The following PLEKHA5 variants were observed in gnomAD, a reference collection of about 807,000 sequenced individuals.
PLEKHA5 encodes pleckstrin homology domain containing A5, also known as pleckstrin homology domain-containing family A member 5.
In PLEKHA5, 55 loss-of-function variants were observed where a neutral mutation model predicts 181.9. That is an observed-to-expected ratio of 0.30 (90% CI 0.24 to 0.38). The LOEUF is 0.38. Ranked by LOEUF, PLEKHA5 falls within the 10% of genes least tolerant of loss-of-function variation. The pLI is 1.00. For missense variants in PLEKHA5, 1,432 were observed against 1,549.5 expected (o/e 0.92, Z 1.27); for synonymous variants, 535 against 529.4 (o/e 1.01, Z -0.15).
intron 27 of PLEKHA5, 64 bp from the exon 28 acceptor site, chr12:19,359,348 C>T: frequency 7.2e-7 from 1 of 1,395,252 alleles, no homozygotes. Context: ...TTAACAGGCA[C>T]TATTTATAAA....
At chr12:19,369,223 C>G (rs546002488) in intron 30 of PLEKHA5, among the ~76,000 whole-genome samples, 3 of 151,508 alleles carry the variant, frequency 2.0e-5, no homozygotes, top group Non-Finnish European at 4.4e-5. Context: ...TTAGTAGAGT[C>G]GGGGTTTCAC....
chr12:19,139,732 G>A (rs1236389794), intron 3 of PLEKHA5, among the ~76,000 whole-genome samples: 4 of 152,168 alleles, frequency 2.6e-5, no homozygotes, highest in African/African-American at 9.7e-5. Flanking sequence ...CCGTTGTGGG[G>A]GTTGCTGGGA....
chr12:19,175,590 G>A (rs2046992109), intron 3 of PLEKHA5, among the ~76,000 whole-genome samples: 1 of 152,198 alleles, frequency 6.6e-6, no homozygotes, highest in South Asian at 2.1e-4. Flanking sequence ...GGTTTTATTG[G>A]GTTTTGATGT....
rs779207271 is a variant in PLEKHA5 at position 19,314,883 on chromosome 12, C to G, written c.2107C>G (p.Leu703Val). 8 of 1,534,836 alleles carry G rather than the reference C, an allele frequency of 5.2e-6. No individual in the cohort carries two copies. In the South Asian group the frequency reaches 9.6e-5, roughly 18 times the overall value. Residue 703 changes from leucine (L) to valine (V), a missense_variant, in exon 16 of 32, where the codon CTG (leucine) becomes GTG (valine). Coordinates refer to ENST00000429027, the MANE Select transcript of PLEKHA5 (RefSeq NM_001256470.2). Reference protein sequence around the residue: ...MIENSALRPQLYQQFLRQKSK... With the variant: ...MIENSALRPQVYQQFLRQKSK... ...TGAGAACTCGGCGCTAAGACCCCAA[C>G]TGTACCAGCAAGTAAGGTCTTGGAC...
Position 19,375,901 on chromosome 12 carries a change from AAGTT to A in PLEKHA5, c.*388_*391del, listed in dbSNP as rs1351345066. The A allele has an allele frequency of 3.3e-5, 5 of 150,740 alleles. No individual in the cohort carries two copies. Among genetic ancestry groups the A allele is most frequent in the South Asian group, 2.1e-4 (1 of 4,704 alleles). 9.3% of individuals were successfully genotyped at this position (150,740 alleles called of 1,614,324 possible). On this transcript the variant is annotated 3_prime_UTR_variant, in exon 32 of 32. Transcript: ENST00000429027. Reference sequence around the variant, plus strand: ...ATATTTTTTTGCTTTTCATTTTCTAAAGTTAGTTATTATTTCCATTGAAGCTTGT... The same window carrying A: ...ATATTTTTTTGCTTTTCATTTTCTAAAGTTATTATTTCCATTGAAGCTTGT...
chr12:19,354,199 T>TGGA (rs1367447680), intron 26 of PLEKHA5, among the ~76,000 whole-genome samples, 197 bp downstream of exon 26: 1 of 119,676 alleles, frequency 8.4e-6, no homozygotes, highest in Non-Finnish European at 1.6e-5. Context: ...TCGCCCAGGC[T>TGGA]GGAGTGCTGT....
intron 11 of PLEKHA5, among the ~76,000 whole-genome samples, chr12:19,281,783 G>T (rs1177529548): frequency 6.6e-6 from 1 of 151,568 alleles, no homozygotes; most frequent in African/African-American, 2.4e-5. Flanking sequence ...TGTTGTTGTT[G>T]TTGTTGTTGT....
intron 23 of PLEKHA5, 86 bp downstream of exon 23, chr12:19,345,974 A>G: frequency 1.5e-6 from 1 of 658,340 alleles, no homozygotes; most frequent in Non-Finnish European, 2.6e-6. Context: ...TAATCTTAAT[A>G]ACAAAAATAT....
chr12:19,242,391 A>G (rs1307342371), intron 3 of PLEKHA5, among the ~76,000 whole-genome samples: 1 of 151,918 alleles, frequency 6.6e-6, no homozygotes, highest in Non-Finnish European at 1.5e-5. Flanking sequence ...GATGGGCGCC[A>G]CTGCACACCT....
chr12:19,324,254 G>A (rs2091585648), intron 20 of PLEKHA5, among the ~76,000 whole-genome samples: 2 of 152,110 alleles, frequency 1.3e-5, no homozygotes, highest in Admixed American at 1.3e-4. Flanking sequence ...AATATACCAT[G>A]ATTTTAAAAT....
At chr12:19,188,953 G>T (rs1470909367) in intron 3 of PLEKHA5, among the ~76,000 whole-genome samples, 1 of 152,120 alleles carries the variant, frequency 6.6e-6, no homozygotes. Context: ...TTACAGTGAT[G>T]AATAAAACAG....
chr12:19,300,511 G>C (rs2081182785), intron 15 of PLEKHA5, among the ~76,000 whole-genome samples: 1 of 152,082 alleles, frequency 6.6e-6, no homozygotes, highest in African/African-American at 2.4e-5. Context: ...AGTAGGTTTT[G>C]CCTCTGTCTT....
intron 15 of PLEKHA5, among the ~76,000 whole-genome samples, chr12:19,296,869 C>T (rs704158): frequency 0.032 from 4,889 of 152,270 alleles, 102 homozygotes; most frequent in Middle Eastern, 0.095. Flanking sequence ...GAAGTTGGAA[C>T]GTGTTTCCCT....
At chr12:19,193,047 T>A (rs550187045) in intron 3 of PLEKHA5, among the ~76,000 whole-genome samples, 1 of 152,304 alleles carries the variant, frequency 6.6e-6, no homozygotes, top group East Asian at 1.9e-4. Flanking sequence ...ATATTTACTA[T>A]CTGGTCCTGT....
At chr12:19,173,354 A>T (rs1036936560) in intron 3 of PLEKHA5, among the ~76,000 whole-genome samples, 25 of 151,936 alleles carry the variant, frequency 1.6e-4, no homozygotes, top group African/African-American at 4.6e-4. Context: ...GCATACACCC[A>T]TACACATAAA....
At chr12:19,188,077 G>T (rs756708563) in intron 3 of PLEKHA5, among the ~76,000 whole-genome samples, 18 of 152,086 alleles carry the variant, frequency 1.2e-4, no homozygotes, top group Non-Finnish European at 1.5e-4. Context: ...TCTCATCAAG[G>T]TCATTATGAA....
chr12:19,257,944 TC>T (rs149680025), intron 6 of PLEKHA5, among the ~76,000 whole-genome samples: 1,872 of 152,114 alleles, frequency 0.012, 26 homozygotes, highest in African/African-American at 0.043. Context: ...GTTGTATATT[TC>T]CCCCCTTTAT....
chr12:19,343,388 G>C lies in PLEKHA5; in HGVS notation c.2616G>C (p.Met872Ile). The stretch of plus-strand genomic sequence containing the variant: ...AACTTTGGCGAATTCAGGATGTCAT[G>C]GAAGGGCTGAGTAAACATAAGCAGC... ...QKELWRIQDVMEGLSKHKQQR... is the reference protein window; with the variant it reads ...QKELWRIQDVIEGLSKHKQQR... Residue 872 changes from methionine to isoleucine, a missense_variant, in exon 22 of 32, where the codon ATG becomes ATC. Met to Ile is a conservative substitution (Grantham distance 10). Around this residue, in one of 2 missense-constraint regions of PLEKHA5, gnomAD observed 1,143 missense variants for 1,168.4 expected, o/e 0.98. Transcript: ENST00000429027. The C allele has an allele frequency of 6.2e-7, 1 of 1,613,344 alleles. No homozygotes were observed. The highest frequency in any genetic ancestry group is 8.5e-7 in the Non-Finnish European group (1 of 1,179,344).
chr12:19,296,318 G>A (rs2079786485), intron 15 of PLEKHA5, among the ~76,000 whole-genome samples: 1 of 151,524 alleles, frequency 6.6e-6, no homozygotes, highest in African/African-American at 2.4e-5. Flanking sequence ...AGGCCAAGGT[G>A]GGTGGATCAC....
Sources: gnomAD v4.1 joint callset for allele counts (sites outside exome capture counted in the v4.1 genomes callset) on GRCh38, gnomAD v4.1.1 for gene constraint, gnomAD v4.1.1 regional missense constraint, MANE v1.5 for transcripts, NCBI Gene and HGNC (gene_info 2026-07-23, HGNC 2026-07-21) for gene names.